Variants in SH3BP5L observed in about 807,000 individuals in gnomAD.
SH3BP5L encodes the protein SH3 binding domain protein 5 like, also known as SH3 domain-binding protein 5-like.
Under a neutral mutation model 40.9 loss-of-function variants are expected in SH3BP5L, and 16 were observed. That is an observed-to-expected ratio of 0.39 (90% CI 0.27 to 0.59). The LOEUF (loss-of-function observed/expected upper bound fraction) is 0.59. Ranked by LOEUF, SH3BP5L falls within the 20% of genes least tolerant of loss-of-function variation. The pLI, the probability that SH3BP5L is intolerant of heterozygous loss-of-function variation, is 0.53. For missense variants in SH3BP5L, 471 were observed against 544.6 expected (o/e 0.86, Z 1.35); for synonymous variants, 229 against 226.7 (o/e 1.01, Z -0.09).
chr1:248,824,434 C>T (rs986768517), intron 2 of SH3BP5L, among the ~76,000 whole-genome samples: 2 of 152,168 alleles, frequency 1.3e-5, no homozygotes, highest in Non-Finnish European at 2.9e-5. Context: ...GAAAGAAGTA[C>T]AACACACCTA....
chr1:248,812,167 G>A lies in SH3BP5L; in HGVS notation c.915C>T (p.Asp305=), dbSNP rs918012806. ...EAGPEDMEDG[D]SGIEGAEGAG... is the part of the protein sequence containing the mutation. ...CACCCTCGGCCCCCTCAATCCCGCT[G>A]TCTCCGTCCTCCATGTCCTCGGGTC... is the stretch of plus-strand genomic sequence containing the variant. Residue 305 remains aspartate, a synonymous_variant, in exon 7 of 7, where the codon GAC becomes GAT. Coordinates refer to ENST00000366472, the MANE Select transcript of SH3BP5L (RefSeq NM_030645.3). The surrounding 1 kb of genome is among the most constrained non-coding windows in gnomAD (Gnocchi z 6.1). 1.1e-5 allele frequency: 17 copies of A among 1,598,238 alleles called. No individual in the cohort carries two copies. The highest frequency in any genetic ancestry group is 1.4e-5 in the Non-Finnish European group (17 of 1,172,736).
intron 5 of SH3BP5L, 135 bp downstream of exon 5, chr1:248,814,314 A>G (rs1222153482): frequency 2.1e-6 from 2 of 956,974 alleles, no homozygotes; most frequent in South Asian, 3.3e-5. Flanking sequence ...AACTAGGAAC[A>G]GGTTTTGCCT....
At chr1:248,825,787 C>T in intron 1 of SH3BP5L, 48 bp downstream of exon 1, 1 of 706,744 alleles carries the variant, frequency 1.4e-6, no homozygotes, top group Non-Finnish European at 1.7e-6. Flanking sequence ...GACCCTACTC[C>T]CGTCCATTCT....
Position 248,811,716 on chromosome 1 carries a change from A to G in SH3BP5L, c.*184T>C. On this transcript the variant is annotated 3_prime_UTR_variant, in exon 7 of 7. Coordinates refer to ENST00000366472, the MANE Select transcript of SH3BP5L (RefSeq NM_030645.3). ...CAAAGAGAGCCGCCTGCTGAGGGGA[A>G]GGGGGAGGCTGTGAGAACGCCAGGG... The G allele has an allele frequency of 1.9e-6, 1 of 537,694 alleles. No homozygotes were observed. Among genetic ancestry groups the G allele is most frequent in the Admixed American group, 3.5e-5 (1 of 28,756 alleles). The allele number at this position is 537,694 out of a possible 1,614,324, so 33.3% of individuals were successfully genotyped here. A position where few individuals can be genotyped will look rare whatever the true frequency, so the allele number is the denominator to read the frequency against.
At position 248,812,782 on chromosome 1, in the gene SH3BP5L, C is replaced by T. The variant is rs1017668779; in HGVS notation, c.711+207G>A. ...TCCCTTCTTCCAACTACGTTCTCGC[C>T]GTCACCAGCCCCCATCACCAGCCCC... On this transcript the variant is annotated intron_variant, in intron 6 of 6. Transcript: ENST00000366472. This position sits in a 1 kb window ranked among gnomAD's most constrained non-coding sequence, Gnocchi z 6.1. Among the ~76,000 whole-genome samples, 4 of 152,148 alleles carry T rather than the reference C, an allele frequency of 2.6e-5. No homozygotes were observed. The highest frequency in any genetic ancestry group is 3.2e-3 in the Middle Eastern group (1 of 316).
At position 248,813,085 on chromosome 1, in the gene SH3BP5L, C is replaced by T. The variant is rs773644142; in HGVS notation, c.615G>A (p.Glu205=). The T allele has an allele frequency of 6.2e-7, 1 of 1,612,310 alleles. No individual in the cohort carries two copies. Among genetic ancestry groups the T allele is most frequent in the Non-Finnish European group, 8.5e-7 (1 of 1,179,068 alleles). The change falls in exon 6 of 7, where the codon GAG becomes GAA. Residue 205 remains glutamate, a synonymous_variant. Coordinates refer to ENST00000366472, the MANE Select transcript of SH3BP5L (RefSeq NM_030645.3). The part of the protein sequence containing the change: ...QRVTRLCQQA[E]ARVQALQKTL... Reference sequence around the variant, plus strand: ...TCTTCTGCAGGGCTTGGACCCGAGCCTCAGCCTGTTGGCACAGCCGAGTCA... The same window carrying T: ...TCTTCTGCAGGGCTTGGACCCGAGCTTCAGCCTGTTGGCACAGCCGAGTCA...
Position 248,812,927 on chromosome 1 carries a change from G to C in SH3BP5L, c.711+62C>G. ...CAAGATGGCCCAGAGAGGCCGACCA[G>C]CATCCCCTCCAGCCTGCACCCCCAC... On this transcript the variant is annotated intron_variant, in intron 6 of 6. Coordinates refer to ENST00000366472, the MANE Select transcript of SH3BP5L (RefSeq NM_030645.3). The surrounding 1 kb of genome is among the most constrained non-coding windows in gnomAD (Gnocchi z 6.1). 4 of 1,460,964 alleles carry C rather than the reference G, an allele frequency of 2.7e-6. No individual in the cohort carries two copies. The highest frequency in any genetic ancestry group is 2.7e-5 in the South Asian group (2 of 74,154). The allele number at this position is 1,460,964 out of a possible 1,614,324, so 90.5% of individuals were successfully genotyped here. A position where few individuals can be genotyped will look rare whatever the true frequency, so the allele number is the denominator to read the frequency against.
At chr1:248,816,728 C>G (rs1254973452) in intron 3 of SH3BP5L, 66 bp from the exon 4 acceptor site, 1 of 1,611,742 alleles carries the variant, frequency 6.2e-7, no homozygotes, top group Non-Finnish European at 8.5e-7. Context: ...TTCTCAGACA[C>G]ACCCCTCCCA....
chr1:248,816,681 G>A lies in SH3BP5L; in HGVS notation c.247-19C>T. 6.2e-7 allele frequency: 1 copy of A among 1,614,004 alleles called. No individual in the cohort carries two copies. Among genetic ancestry groups the A allele is most frequent in the Non-Finnish European group, 8.5e-7 (1 of 1,180,008 alleles). ...TGGCCTCCTGGAAAGGAACAAGGCA[G>A]AGGAAAGGCACATGTTTGGGTCCCA... On this transcript the variant is annotated intron_variant, in intron 3 of 6. Coordinates refer to ENST00000366472, the MANE Select transcript of SH3BP5L (RefSeq NM_030645.3).
chr1:248,815,926 G>A (rs1199773252), intron 4 of SH3BP5L: 2 of 153,372 alleles, frequency 1.3e-5, no homozygotes, highest in African/African-American at 4.8e-5. Flanking sequence ...CCTCCTCTCG[G>A]GAACAAACTC....
chr1:248,815,791 C>T (rs1405976686), intron 4 of SH3BP5L, among the ~76,000 whole-genome samples: 2 of 152,180 alleles, frequency 1.3e-5, no homozygotes, highest in Non-Finnish European at 2.9e-5. Flanking sequence ...ACTTGCCTAC[C>T]CTGCCTCACC....
At chr1:248,817,432 G>A (rs1438222466) in intron 2 of SH3BP5L, among the ~76,000 whole-genome samples, 2 of 152,190 alleles carry the variant, frequency 1.3e-5, no homozygotes, top group African/African-American at 4.8e-5. Flanking sequence ...GGCAGTATGT[G>A]CAGCCTTGTG....
chr1:248,817,032 A>G (rs776479357), intron 2 of SH3BP5L, 148 bp from the exon 3 acceptor site: 48 of 1,545,990 alleles, frequency 3.1e-5, no homozygotes, highest in Non-Finnish European at 4.0e-5. Context: ...AGATACGGAG[A>G]TTGCCAAAAG....
At chr1:248,824,367 A>C (rs558510500) in intron 2 of SH3BP5L, among the ~76,000 whole-genome samples, 1 of 152,182 alleles carries the variant, frequency 6.6e-6, no homozygotes, top group Non-Finnish European at 1.5e-5. Context: ...CCAGTATCAA[A>C]GTCATCTCCT....
At chr1:248,819,945 A>C (rs1482314931) in intron 2 of SH3BP5L, among the ~76,000 whole-genome samples, 1 of 152,180 alleles carries the variant, frequency 6.6e-6, no homozygotes, top group Non-Finnish European at 1.5e-5. Flanking sequence ...AAAAATTTAA[A>C]AAAAGAGTGA....
chr1:248,811,887 C>T lies in SH3BP5L; in HGVS notation c.*13G>A. 6.7e-7 allele frequency: 1 copy of T among 1,500,124 alleles called. No individual in the cohort carries two copies. Among genetic ancestry groups the T allele is most frequent in the Non-Finnish European group, 8.9e-7 (1 of 1,119,528 alleles). The allele number at this position is 1,500,124 out of a possible 1,614,324, so 92.9% of individuals were successfully genotyped here. On this transcript the variant is annotated 3_prime_UTR_variant, in exon 7 of 7. Transcript: ENST00000366472. ...GTGGTGGCAGATTCAAGCCAGGAAC[C>T]CTGGCCCCTCGGCTACAGGCTGACG... is the stretch of plus-strand genomic sequence containing the variant.
chr1:248,821,220 C>T lies in SH3BP5L; in HGVS notation c.183+3533G>A, dbSNP rs1258681098. 6.6e-6 allele frequency: 1 copy of T among 152,304 alleles called. No homozygotes were observed. Among genetic ancestry groups the T allele is most frequent in the Non-Finnish European group, 1.5e-5 (1 of 68,104 alleles). The allele number at this position is 152,304 out of a possible 1,614,324, so 9.4% of individuals were successfully genotyped here. On this transcript the variant is annotated intron_variant, in intron 2 of 6. Transcript: ENST00000366472. The surrounding 1 kb of genome is among the most constrained non-coding windows in gnomAD (Gnocchi z 4.6). ...GGACAGTTTTGGGCAGTCAGCAACA[C>T]ATTCCATTTGGCCTGCTTCACCAGG...
At chr1:248,816,443 G>A (rs1022939485) in intron 4 of SH3BP5L, 91 bp downstream of exon 4, 35 of 1,538,252 alleles carry the variant, frequency 2.3e-5, no homozygotes, top group Non-Finnish European at 3.0e-5. Flanking sequence ...CTCAGGGTCT[G>A]GTGTTTTGTC....
Position 248,812,163 on chromosome 1 carries a change from C to G in SH3BP5L, c.919G>C (p.Gly307Arg). ...GPEDMEDGDSGIEGAEGAGLE... is the reference protein window; with the variant it reads ...GPEDMEDGDSRIEGAEGAGLE... ...CCCGCACCCTCGGCCCCCTCAATCC[C>G]GCTGTCTCCGTCCTCCATGTCCTCG... Residue 307 changes from glycine to arginine, a missense_variant, in exon 7 of 7, where the codon GGG (glycine) becomes CGG (arginine). By Grantham distance (125) the Gly-to-Arg change is moderately radical. Coordinates refer to ENST00000366472, the MANE Select transcript of SH3BP5L (RefSeq NM_030645.3). The surrounding 1 kb of genome is among the most constrained non-coding windows in gnomAD (Gnocchi z 6.1). The G allele has an allele frequency of 1.3e-6, 2 of 1,597,768 alleles. No homozygotes were observed. The highest frequency in any genetic ancestry group is 2.2e-5 in the South Asian group (2 of 89,428).
Sources: gnomAD v4.1 joint callset for allele counts (sites outside exome capture counted in the v4.1 genomes callset) on GRCh38, gnomAD v4.1.1 for gene constraint, Gnocchi (gnomAD v3.1) non-coding constraint, MANE v1.5 for transcripts, NCBI Gene and HGNC (gene_info 2026-07-23, HGNC 2026-07-21) for gene names.